PAPOLA: variants seen among roughly 807,000 people sequenced by gnomAD.
The protein encoded by PAPOLA is polynucleotide adenylyltransferase alpha.
Under a neutral mutation model 100.6 loss-of-function variants are expected in PAPOLA, and 15 were observed. That is an observed-to-expected ratio of 0.15 (90% CI 0.10 to 0.23). PAPOLA has a LOEUF of 0.23. Among genes scored for constraint, PAPOLA ranks in the 10% least tolerant of loss-of-function variants. The pLI, the probability that PAPOLA is intolerant of heterozygous loss-of-function variation, is 1.00. For missense variants in PAPOLA, 533 were observed against 884.2 expected (o/e 0.60, Z 5.04); for synonymous variants, 293 against 300.0 (o/e 0.98, Z 0.24).
chr14:96,548,074 A>G (rs769025206), intron 16 of PAPOLA, among the ~76,000 whole-genome samples, 156 bp downstream of exon 16: 11 of 152,164 alleles, frequency 7.2e-5, no homozygotes, highest in Non-Finnish European at 1.6e-4. Flanking sequence ...ATTATGTGAA[A>G]TCTGACTCTA....
rs748441210 is a variant in PAPOLA, at chr14:96,502,504, C to A, written c.-89C>A. 3 of 1,062,612 alleles carry A rather than the reference C, an allele frequency of 2.8e-6. No homozygotes were observed. Among genetic ancestry groups the A allele is most frequent in the Non-Finnish European group, 4.2e-6 (3 of 722,088 alleles). The allele number at this position is 1,062,612 out of a possible 1,614,324, so 65.8% of individuals were successfully genotyped here. A position where few individuals can be genotyped will look rare whatever the true frequency, so the allele number is the denominator to read the frequency against. ...ACCCAGGGCTGAGGCAGGCCCCCCCCTCCCTCCCGCCTCAGTGGATCATGC... is the reference window on the plus strand; with the variant it reads ...ACCCAGGGCTGAGGCAGGCCCCCCCATCCCTCCCGCCTCAGTGGATCATGC... On this transcript the variant is annotated 5_prime_UTR_variant, in exon 1 of 22. Transcript: ENST00000216277.
At chr14:96,532,463 AC>A (rs756055644) in intron 8 of PAPOLA, 43 bp downstream of exon 8, 1 of 1,605,976 alleles carries the variant, frequency 6.2e-7, no homozygotes, top group Non-Finnish European at 8.5e-7. Context: ...AAATGTTCAA[AC>A]TTTTGTTCAA....
chr14:96,502,563 A>T lies in PAPOLA; in HGVS notation c.-30A>T. 1.9e-6 allele frequency: 3 copies of T among 1,538,556 alleles called. No homozygotes were observed. Among genetic ancestry groups the T allele is most frequent in the South Asian group, 1.2e-5 (1 of 82,798 alleles). The stretch of plus-strand genomic sequence containing the variant: ...GCAGCGGCGGCGGTTGCGGGGGGGA[A>T]GTGACTGGGCGGTGCCGGCGCCGGA... On this transcript the variant is annotated 5_prime_UTR_variant, in exon 1 of 22. In the 5' UTR this introduces an upstream ATG that the reference lacks. Coordinates refer to ENST00000216277, the MANE Select transcript of PAPOLA (RefSeq NM_032632.5).
intron 1 of PAPOLA, among the ~76,000 whole-genome samples, chr14:96,515,582 T>G (rs1286442139): frequency 2.0e-5 from 3 of 152,230 alleles, no homozygotes; most frequent in Non-Finnish European, 2.9e-5. Flanking sequence ...TGTATTTTTA[T>G]AGAGTAGAGA....
At chr14:96,542,367 G>A (rs973069457) in intron 13 of PAPOLA, 71 bp downstream of exon 13, 8 of 879,908 alleles carry the variant, frequency 9.1e-6, no homozygotes, top group Non-Finnish European at 1.3e-5. Flanking sequence ...GAACACAGTA[G>A]GAGATGGGAG....
chr14:96,513,623 TACACCATGGCCAA>T (rs1897247686), intron 1 of PAPOLA, among the ~76,000 whole-genome samples: 1 of 152,230 alleles, frequency 6.6e-6, no homozygotes. Flanking sequence ...TCGTTTTTTT[TACACCATGGCCAA>T]CATTGGAGGT....
Position 96,555,906 on chromosome 14 carries a change from A to G in PAPOLA, c.1724A>G (p.Glu575Gly). ...AASVTNIQAT[E>G]VSVPQVNSSE... Reference sequence around the variant, plus strand: ...TCTGTGACCAACATACAGGCTACTGAAGTTTCTGTGCCACAAGTAAATTCC... The same window carrying G: ...TCTGTGACCAACATACAGGCTACTGGAGTTTCTGTGCCACAAGTAAATTCC... The change falls in exon 18 of 22, where the codon GAA (glutamate) becomes GGA (glycine). Residue 575 changes from glutamate to glycine, a missense_variant. Glu to Gly is a moderately conservative substitution (Grantham distance 98). Transcript: ENST00000216277. 1 of 1,611,574 alleles carries G rather than the reference A, an allele frequency of 6.2e-7. No homozygotes were observed. The highest frequency in any genetic ancestry group is 8.5e-7 in the Non-Finnish European group (1 of 1,177,964).
intron 7 of PAPOLA, chr14:96,532,071 G>C: frequency 6.3e-6 from 8 of 1,278,408 alleles, no homozygotes; most frequent in Non-Finnish European, 7.9e-6. Flanking sequence ...AGTTCAAATT[G>C]GGGCAGGTTA....
At chr14:96,536,888 A>T in intron 11 of PAPOLA, 88 bp from the exon 12 acceptor site, 4 of 747,760 alleles carry the variant, frequency 5.3e-6, no homozygotes, top group Non-Finnish European at 9.5e-6. Context: ...TTAGGATTAT[A>T]GTGAGTGCAT....
intron 19 of PAPOLA, among the ~76,000 whole-genome samples, chr14:96,559,297 C>A (rs1901613496): frequency 6.6e-6 from 1 of 151,680 alleles, no homozygotes; most frequent in Non-Finnish European, 1.5e-5. Context: ...TTTTGAAGCC[C>A]TTCTTAATTG....
At chr14:96,514,234 T>C (rs1044460304) in intron 1 of PAPOLA, among the ~76,000 whole-genome samples, 4 of 151,464 alleles carry the variant, frequency 2.6e-5, no homozygotes, top group Admixed American at 2.0e-4. Flanking sequence ...GCTGGAGTGC[T>C]GGGATCTCGG....
Position 96,534,562 on chromosome 14 carries a change from G to A in PAPOLA, c.908G>A (p.Arg303Lys). The A allele has an allele frequency of 6.2e-7, 1 of 1,613,858 alleles. No homozygotes were observed. Among genetic ancestry groups the A allele is most frequent in the Non-Finnish European group, 8.5e-7 (1 of 1,179,876 alleles). The change falls in exon 10 of 22, where the codon AGG (arginine) becomes AAG (lysine). Residue 303 changes from arginine (R) to lysine (K), a missense_variant and splice_region_variant. Around this residue, in one of 9 missense-constraint regions of PAPOLA, gnomAD observed 87 missense variants for 173.3 expected, o/e 0.50. Coordinates refer to ENST00000216277, the MANE Select transcript of PAPOLA (RefSeq NM_032632.5). Reference sequence around the variant, plus strand: ...CTTAATTTGCCTGTATGGGACCCAAGGGTTAGTGTATTATTTTTTCCCCTA... The same window carrying A: ...CTTAATTTGCCTGTATGGGACCCAAAGGTTAGTGTATTATTTTTTCCCCTA... ...CNLNLPVWDP[R>K]VNPSDRYHLM...
At chr14:96,542,528 T>G in intron 13 of PAPOLA, 2 of 531,328 alleles carry the variant, frequency 3.8e-6, no homozygotes, top group Non-Finnish European at 6.5e-6. Context: ...ATTGTATATT[T>G]AAAGTGCACT....
chr14:96,555,406 G>A (rs999350453), intron 17 of PAPOLA, among the ~76,000 whole-genome samples: 12 of 151,472 alleles, frequency 7.9e-5, no homozygotes, highest in Admixed American at 7.9e-4. Flanking sequence ...ATTTTTGTTC[G>A]AAAAAATCCT....
intron 17 of PAPOLA, among the ~76,000 whole-genome samples, chr14:96,555,258 T>C (rs1901214752): frequency 6.7e-6 from 1 of 149,982 alleles, no homozygotes; most frequent in Non-Finnish European, 1.5e-5. Context: ...TTTTTTCTTG[T>C]AGAGACGAGG....
chr14:96,505,860 T>C (rs558606849), intron 1 of PAPOLA, among the ~76,000 whole-genome samples: 1 of 152,326 alleles, frequency 6.6e-6, no homozygotes, highest in South Asian at 2.1e-4. Context: ...ACCGGTATTG[T>C]ATATAGTCAT....
chr14:96,525,365 C>T lies in PAPOLA; in HGVS notation c.305C>T (p.Ser102Phe). Residue 102 changes from serine to phenylalanine, a missense_variant, in exon 4 of 22, where the codon TCT becomes TTT. By Grantham distance (155) the Ser-to-Phe change is radical (BLOSUM62 -2). Around this residue, in one of 9 missense-constraint regions of PAPOLA, gnomAD observed 54 missense variants for 133.2 expected, o/e 0.41. Transcript: ENST00000216277. Reference protein sequence around the residue: ...NVGGKIFTFGSYRLGVHTKGA... With the variant: ...NVGGKIFTFGFYRLGVHTKGA... ...GGAGGAAAAATTTTTACATTTGGAT[C>T]TTACAGATTAGGAGTGCATACAAAA... 1 of 1,495,244 alleles carries T rather than the reference C, an allele frequency of 6.7e-7. No individual in the cohort carries two copies. The highest frequency in any genetic ancestry group is 9.2e-7 in the Non-Finnish European group (1 of 1,081,624). The allele number at this position is 1,495,244 out of a possible 1,614,324, so 92.6% of individuals were successfully genotyped here.
At chr14:96,523,116 G>A (rs535004898) in intron 3 of PAPOLA, among the ~76,000 whole-genome samples, 3 of 151,476 alleles carry the variant, frequency 2.0e-5, no homozygotes, top group Non-Finnish European at 4.4e-5. Flanking sequence ...ACTGATTTTA[G>A]TTTCTGATAG....
intron 17 of PAPOLA, 24 bp from the exon 18 acceptor site, chr14:96,555,823 A>G: frequency 7.9e-7 from 1 of 1,265,186 alleles, no homozygotes; most frequent in Non-Finnish European, 1.1e-6. Context: ...ATTTTGAGAC[A>G]ATTTTTAATT....
Sources: gnomAD v4.1 joint callset for allele counts (sites outside exome capture counted in the v4.1 genomes callset) on GRCh38, gnomAD v4.1.1 for gene constraint, gnomAD v4.1.1 regional missense constraint, MANE v1.5 for transcripts, NCBI Gene and HGNC (gene_info 2026-07-23, HGNC 2026-07-21) for gene names.